ROPN1L: variants seen among roughly 807,000 people sequenced by gnomAD.
The protein encoded by ROPN1L is rhophilin associated tail protein 1 like, also known as ropporin-1-like protein.
A neutral mutation model predicts 22.7 loss-of-function variants in ROPN1L; 23 were observed. The observed-to-expected ratio is 1.01, with a 90% CI of 0.73 to 1.43. The LOEUF is 1.43. Ranked by LOEUF, ROPN1L falls within the 40% of genes most tolerant of loss-of-function variation. The pLI is 0.00. For synonymous variants in ROPN1L, 116 were observed against 117.8 expected (o/e 0.98, Z 0.10); for missense variants, 271 against 291.5 (o/e 0.93, Z 0.51).
At position 10,448,377 on chromosome 5, in the gene ROPN1L, C is replaced by T. The variant is rs745731177; in HGVS notation, c.249C>T (p.His83=). ...GLTQGLLKVL[H]KQCHHKRYVE... ...CTCAAGGACTCCTGAAAGTTTTGCA[C>T]AAGCAGGTATGGGGGGGCGTAGTCT... The change falls in exon 2 of 5, where the codon CAC becomes CAT. Residue 83 remains histidine, a synonymous_variant. Coordinates refer to ENST00000274134, the MANE Select transcript of ROPN1L (RefSeq NM_031916.5). The T allele has an allele frequency of 2.5e-6, 4 of 1,614,156 alleles. No individual in the cohort carries two copies. The highest frequency in any genetic ancestry group is 2.2e-5 in the South Asian group (2 of 91,086).
At chr5:10,473,463 G>A (rs938159985), downstream of ROPN1L, among the ~76,000 whole-genome samples, 5 of 152,200 alleles carry the variant, frequency 3.3e-5, no homozygotes, top group African/African-American at 9.6e-5. Context: ...GTTGGAGGAA[G>A]CAAGGAAGGA....
downstream of ROPN1L, among the ~76,000 whole-genome samples, chr5:10,473,449 A>G (rs1436934074): frequency 6.6e-6 from 1 of 152,214 alleles, no homozygotes; most frequent in Non-Finnish European, 1.5e-5. Flanking sequence ...TGGAGCCACC[A>G]GAAGTTGGAG....
chr5:10,460,966 A>AT (rs1272273878), intron 3 of ROPN1L, among the ~76,000 whole-genome samples: 3 of 152,082 alleles, frequency 2.0e-5, no homozygotes, highest in Admixed American at 1.3e-4. Context: ...GTGAATTAGA[A>AT]TTTTTTCCTG....
At chr5:10,463,453 C>A (rs1455360305) in intron 4 of ROPN1L, among the ~76,000 whole-genome samples, 1 of 152,140 alleles carries the variant, frequency 6.6e-6, no homozygotes, top group Non-Finnish European at 1.5e-5. Flanking sequence ...TGTGGTGCTG[C>A]AGAGTAAGCC....
At chr5:10,481,181 A>G in the ROPN1L span, among the ~76,000 whole-genome samples, 2 of 152,358 alleles carry the variant, frequency 1.3e-5, no homozygotes, top group African/African-American at 2.4e-5. Context: ...AGCAAGCAGC[A>G]TAAGTTTTGC....
chr5:10,451,042 G>A (rs1875017), intron 3 of ROPN1L, among the ~76,000 whole-genome samples: 107,123 of 152,062 alleles, frequency 0.7, 41,434 homozygotes, highest in Non-Finnish European at 0.88. Flanking sequence ...TGAAGGAAGA[G>A]TAACCAGGCA....
the ROPN1L span, chr5:10,478,097 G>A: frequency 1.3e-5 from 2 of 152,522 alleles, no homozygotes; most frequent in African/African-American, 4.8e-5. Flanking sequence ...AGCCAGAGAT[G>A]GTGGGTTCTG....
chr5:10,468,423 C>T (rs190266290), downstream of ROPN1L, among the ~76,000 whole-genome samples: 62 of 152,302 alleles, frequency 4.1e-4, no homozygotes, highest in East Asian at 9.6e-3. Context: ...AAAACACGTT[C>T]CCTATTCTGT....
chr5:10,464,828 T>C lies in ROPN1L; in HGVS notation c.594-20T>C. The C allele has an allele frequency of 6.9e-7, 1 of 1,446,526 alleles. No homozygotes were observed. Among genetic ancestry groups the C allele is most frequent in the Non-Finnish European group, 9.5e-7 (1 of 1,050,070 alleles). The allele number at this position is 1,446,526 out of a possible 1,614,324, so 89.6% of individuals were successfully genotyped here. A position where few individuals can be genotyped will look rare whatever the true frequency, so the allele number is the denominator to read the frequency against. ...TGATGAGAAATTACCAATAAATATCTTTATCTGTTTCCAATTTAGAGACGC... is the reference window on the plus strand; with the variant it reads ...TGATGAGAAATTACCAATAAATATCCTTATCTGTTTCCAATTTAGAGACGC... On this transcript the variant is annotated intron_variant, in intron 4 of 4. Coordinates refer to ENST00000274134, the MANE Select transcript of ROPN1L (RefSeq NM_031916.5).
At chr5:10,450,318 A>T (rs957084533) in intron 3 of ROPN1L, among the ~76,000 whole-genome samples, 1 of 152,220 alleles carries the variant, frequency 6.6e-6, no homozygotes, top group African/African-American at 2.4e-5. Context: ...GCCTCAATTT[A>T]AAAGTTAATA....
chr5:10,453,197 A>G (rs1741307863), intron 3 of ROPN1L, among the ~76,000 whole-genome samples: 1 of 152,174 alleles, frequency 6.6e-6, no homozygotes, highest in Admixed American at 6.5e-5. Flanking sequence ...CAAGTGTGGA[A>G]GCTGACCTCT....
At position 10,461,264 on chromosome 5, in the gene ROPN1L, G is replaced by C; in HGVS notation, c.498G>C (p.Lys166Asn). ...PEGGPARIPF[K>N]TFSYVYRYLA... ...GCGGGCCCGCTCGCATCCCCTTCAA[G>C]ACGTTTTCCTACGTTTACCGCTACT... The change falls in exon 4 of 5, where the codon AAG (lysine) becomes AAC (asparagine). Residue 166 changes from lysine to asparagine, a missense_variant. Physicochemically the swap from Lys to Asn is moderately conservative, Grantham distance 94 (BLOSUM62 0). Transcript: ENST00000274134. 1.2e-6 allele frequency: 2 copies of C among 1,614,160 alleles called. No individual in the cohort carries two copies. The highest frequency in any genetic ancestry group is 1.7e-6 in the Non-Finnish European group (2 of 1,180,034).
At position 10,461,540 on chromosome 5, in the gene ROPN1L, TG is replaced by T. The variant is rs1307197140; in HGVS notation, c.593+183del. 3 of 588,282 alleles carry T rather than the reference TG, an allele frequency of 5.1e-6. No individual in the cohort carries two copies. The African/African-American group carries it at 5.6e-5, about 11-fold the overall frequency. The allele number at this position is 588,282 out of a possible 1,614,324, so 36.4% of individuals were successfully genotyped here. On this transcript the variant is annotated intron_variant, in intron 4 of 4. Coordinates refer to ENST00000274134, the MANE Select transcript of ROPN1L (RefSeq NM_031916.5). ...TTTTCCTCACCAAAAAGCAAGCAAG[TG>T]GTCCTGCAGCAGACACCAGCTGTGC...
intron 4 of ROPN1L, among the ~76,000 whole-genome samples, chr5:10,463,844 G>A (rs1160449116): frequency 2.0e-5 from 3 of 152,120 alleles, no homozygotes; most frequent in Non-Finnish European, 4.4e-5. Flanking sequence ...GACCAATGGG[G>A]GCTGGTCCCA....
intron 3 of ROPN1L, among the ~76,000 whole-genome samples, chr5:10,453,536 G>A (rs148561335): frequency 7.0e-4 from 106 of 152,328 alleles, no homozygotes; most frequent in African/African-American, 2.4e-3. Context: ...AATGAAGTGC[G>A]ATGAGAATAA....
downstream of ROPN1L, among the ~76,000 whole-genome samples, chr5:10,469,865 G>A (rs1249793918): frequency 2.0e-5 from 3 of 152,248 alleles, no homozygotes; most frequent in Admixed American, 1.3e-4. Context: ...GAGTTCTGAG[G>A]TGGCTGGGCA....
intron 3 of ROPN1L, among the ~76,000 whole-genome samples, chr5:10,451,489 A>G (rs888033021): frequency 6.6e-6 from 1 of 152,218 alleles, no homozygotes; most frequent in East Asian, 1.9e-4. Context: ...CTTGATGAAA[A>G]GACATTTGTG....
At position 10,451,801 on chromosome 5, in the gene ROPN1L, A is replaced by T. The variant is rs143777962; in HGVS notation, c.417+1688A>T. On this transcript the variant is annotated intron_variant, in intron 3 of 4. Coordinates refer to ENST00000274134, the MANE Select transcript of ROPN1L (RefSeq NM_031916.5). Reference sequence around the variant, plus strand: ...GATGTTGGCAGGCATGGTACCCTCCAGTAGCAAGGACAGGTGCAGATGGCA... The same window carrying T: ...GATGTTGGCAGGCATGGTACCCTCCTGTAGCAAGGACAGGTGCAGATGGCA... Among the ~76,000 whole-genome samples, 58 of 152,342 alleles carry T rather than the reference A, an allele frequency of 3.8e-4. No homozygotes were observed. The East Asian group carries it at 9.6e-3, about 25-fold the overall frequency.
chr5:10,481,171 A>G, the ROPN1L span, among the ~76,000 whole-genome samples: 1 of 152,236 alleles, frequency 6.6e-6, no homozygotes, highest in East Asian at 1.9e-4. Context: ...CTCACAGCAC[A>G]GCAAGCAGCA....
Sources: allele counts gnomAD v4.1 joint callset (sites outside exome capture counted in the v4.1 genomes callset), GRCh38; gene constraint gnomAD v4.1.1; transcripts MANE v1.5; gene names NCBI Gene and HGNC (gene_info 2026-07-23, HGNC 2026-07-21).